IL1RAPL1: variants seen among roughly 807,000 people sequenced by gnomAD.
The protein encoded by IL1RAPL1 is interleukin 1 receptor accessory protein like 1, also known as interleukin-1 receptor accessory protein-like 1.
A neutral mutation model predicts 48.4 loss-of-function variants in IL1RAPL1; 3 were observed. The ratio of observed to expected loss-of-function variants is 0.06; its 90% CI spans 0.03 to 0.16. The LOEUF (loss-of-function observed/expected upper bound fraction) is 0.16. Among genes scored for constraint, IL1RAPL1 ranks in the 10% least tolerant of loss-of-function variants. The pLI is 1.00. For synonymous variants in IL1RAPL1, 185 were observed against 187.7 expected (o/e 0.99, Z 0.12); for missense variants, 349 against 530.6 (o/e 0.66, Z 3.36).
chrX:29,110,196 C>T (rs1287684696), intron 2 of IL1RAPL1, among the ~76,000 whole-genome samples: 1 of 112,033 alleles, frequency 8.9e-6, no homozygotes, highest in Non-Finnish European at 1.9e-5. Flanking sequence ...TCCTTTATAT[C>T]AGTAAGCCAT....
intron 3 of IL1RAPL1, among the ~76,000 whole-genome samples, chrX:29,353,469 T>G (rs1447441756): frequency 9.0e-6 from 1 of 111,707 alleles, no homozygotes; most frequent in Non-Finnish European, 1.9e-5. Context: ...TAGTTTTCCC[T>G]TTTCTTAAAA....
intron 2 of IL1RAPL1, among the ~76,000 whole-genome samples, chrX:28,913,446 G>A (rs962676545): frequency 9.8e-5 from 11 of 111,871 alleles, no homozygotes; most frequent in Non-Finnish European, 2.1e-4. Flanking sequence ...TTCAATGTAA[G>A]CATTTCTTAG....
intron 2 of IL1RAPL1, among the ~76,000 whole-genome samples, chrX:29,131,424 A>T (rs1052395866): frequency 1.3e-4 from 14 of 110,328 alleles, no homozygotes; most frequent in African/African-American, 4.3e-4. Context: ...ACCCCTCTAA[A>T]GTATAGAGGG....
intron 5 of IL1RAPL1, among the ~76,000 whole-genome samples, chrX:29,517,324 A>G (rs1003631136): frequency 9.1e-6 from 1 of 110,372 alleles, no homozygotes; most frequent in Non-Finnish European, 1.9e-5. Context: ...ATTTTTATAT[A>G]AACACATACC....
At position 29,702,682 on chromosome X, in the gene IL1RAPL1, G is replaced by T. The variant is rs980640480; in HGVS notation, c.778+34178G>T. ...CTACTTATACCTTAAAGTCTGGCTG[G>T]CTATAGAGCATGGAATCATGGGAAT... On this transcript the variant is annotated intron_variant, in intron 6 of 10. Coordinates refer to ENST00000378993, the MANE Select transcript of IL1RAPL1 (RefSeq NM_014271.4). 1.8e-5 allele frequency among the ~76,000 whole-genome samples: 2 copies of T among 111,909 alleles called. 1 individual carries two copies. The highest frequency in any genetic ancestry group is 1.9e-4 in the Admixed American group (2 of 10,560).
chrX:28,885,165 G>A (rs914243470), intron 2 of IL1RAPL1, among the ~76,000 whole-genome samples: 2 of 111,217 alleles, frequency 1.8e-5, no homozygotes, highest in Non-Finnish European at 3.8e-5. Flanking sequence ...TGCATCTACA[G>A]GAGGCACAAT....
chrX:29,379,837 T>C (rs747385107), intron 3 of IL1RAPL1, among the ~76,000 whole-genome samples: 1 of 111,632 alleles, frequency 9.0e-6, no homozygotes, highest in Non-Finnish European at 1.9e-5. Flanking sequence ...GCTTTCTAGC[T>C]GTGTCTAGTA....
chrX:29,721,994 T>C (rs1927648062), intron 6 of IL1RAPL1, among the ~76,000 whole-genome samples: 1 of 112,095 alleles, frequency 8.9e-6, no homozygotes, highest in Non-Finnish European at 1.9e-5. Context: ...ATATTAGCAT[T>C]TATTTGTATT....
chrX:29,402,431 T>G (rs1934006006), intron 5 of IL1RAPL1, among the ~76,000 whole-genome samples: 1 of 111,816 alleles, frequency 8.9e-6, no homozygotes, highest in South Asian at 3.7e-4. Flanking sequence ...TTAATGACAC[T>G]CCTGTATTTT....
intron 2 of IL1RAPL1, among the ~76,000 whole-genome samples, chrX:28,809,740 G>C (rs1344798850): frequency 9.1e-6 from 1 of 109,930 alleles, no homozygotes; most frequent in East Asian, 2.9e-4. Context: ...AAAGCCATTG[G>C]AATCTAGCAA....
chrX:28,666,679 CTTTG>C lies in IL1RAPL1; in HGVS notation c.-25+78640_-25+78643del, dbSNP rs758661811. ...AACCATATTTCTTTTGGTCCTTTTG[CTTTG>C]TTTGTTTAAGGTACATAATTGAAAA... On this transcript the variant is annotated intron_variant, in intron 1 of 10. Coordinates refer to ENST00000378993, the MANE Select transcript of IL1RAPL1 (RefSeq NM_014271.4). Among the ~76,000 whole-genome samples the C allele has an allele frequency of 1.9e-4, 21 of 111,727 alleles. No individual in the cohort carries two copies. The South Asian group carries it at 2.2e-3, about 12-fold the overall frequency.
chrX:29,613,119 A>G (rs189395269), intron 5 of IL1RAPL1, among the ~76,000 whole-genome samples: 1 of 112,460 alleles, frequency 8.9e-6, no homozygotes, highest in African/African-American at 3.2e-5. Flanking sequence ...TAAAAATATA[A>G]TGACAGCCCA....
chrX:28,792,523 C>G (rs1936550001), intron 2 of IL1RAPL1, among the ~76,000 whole-genome samples: 1 of 87,334 alleles, frequency 1.1e-5, no homozygotes, highest in Admixed American at 1.4e-4. Flanking sequence ...CGCGTTGGCT[C>G]ACGCCTGTAA....
At chrX:28,676,916 C>G (rs1057283244) in intron 1 of IL1RAPL1, among the ~76,000 whole-genome samples, 2 of 111,185 alleles carry the variant, frequency 1.8e-5, no homozygotes, top group African/African-American at 3.3e-5. Flanking sequence ...AATTATATAA[C>G]TCAGCTTCTC....
At chrX:29,023,822 C>T (rs1035110254) in intron 2 of IL1RAPL1, among the ~76,000 whole-genome samples, 13 of 111,611 alleles carry the variant, frequency 1.2e-4, no homozygotes, top group Admixed American at 8.6e-4. Flanking sequence ...CACCAGATTA[C>T]GCTACAAAAT....
intron 5 of IL1RAPL1, among the ~76,000 whole-genome samples, chrX:29,544,725 GT>G (rs1239514808): frequency 3.0e-5 from 1 of 32,831 alleles, no homozygotes; most frequent in Non-Finnish European, 6.7e-5. Context: ...TGGAGATGAT[GT>G]GTGTGTGTGT....
At chrX:29,820,826 A>T (rs1352689816) in intron 6 of IL1RAPL1, among the ~76,000 whole-genome samples, 1 of 111,950 alleles carries the variant, frequency 8.9e-6, no homozygotes, top group Non-Finnish European at 1.9e-5. Flanking sequence ...CTTTTAACTA[A>T]TTTTTATGTA....
chrX:28,620,470 G>A (rs1204064470), intron 1 of IL1RAPL1, among the ~76,000 whole-genome samples: 1 of 110,993 alleles, frequency 9.0e-6, no homozygotes, highest in Non-Finnish European at 1.9e-5. Flanking sequence ...CTCATGTCAG[G>A]GTAATCTCTT....
At chrX:29,008,398 G>A (rs997034303) in intron 2 of IL1RAPL1, among the ~76,000 whole-genome samples, 1 of 111,353 alleles carries the variant, frequency 9.0e-6, no homozygotes, top group Non-Finnish European at 1.9e-5. Context: ...AGATGGTCTC[G>A]ATCTCCTGAC....
Sources: allele counts gnomAD v4.1 joint callset (sites outside exome capture counted in the v4.1 genomes callset), GRCh38; gene constraint gnomAD v4.1.1; transcripts MANE v1.5; gene names NCBI Gene and HGNC (gene_info 2026-07-23, HGNC 2026-07-21).